The following DHRS7B variants were observed in gnomAD, a reference collection of about 807,000 sequenced individuals.
The protein encoded by DHRS7B is dehydrogenase/reductase 7B, also known as peroxisomal reductase activating PPAR-gamma.
DHRS7B carries 24 observed loss-of-function variants against 26.4 expected under a neutral mutation model. The observed-to-expected ratio is 0.91, with a 90% CI of 0.66 to 1.28. DHRS7B has a LOEUF of 1.28. DHRS7B is among the 50% of genes most tolerant of loss of function. DHRS7B has a pLI of 0.00. For missense variants in DHRS7B, 368 were observed against 419.4 expected (o/e 0.88, Z 1.07); for synonymous variants, 142 against 166.4 (o/e 0.85, Z 1.13).
At chr17:21,156,008 G>T (rs1354712947) in intron 1 of DHRS7B, among the ~76,000 whole-genome samples, 2 of 152,034 alleles carry the variant, frequency 1.3e-5, no homozygotes, top group African/African-American at 4.8e-5. Context: ...TATTAGAAAA[G>T]AAGAAAGATC....
intron 1 of DHRS7B, among the ~76,000 whole-genome samples, chr17:21,161,252 C>A (rs900071250): frequency 6.6e-6 from 1 of 152,178 alleles, no homozygotes; most frequent in Non-Finnish European, 1.5e-5. Flanking sequence ...AACAGTGTAA[C>A]ACCGGTGAGG....
intron 1 of DHRS7B, 171 bp from the exon 2 acceptor site, chr17:21,171,847 A>G: frequency 2.9e-5 from 23 of 802,648 alleles, no homozygotes; most frequent in Non-Finnish European, 4.3e-6. Flanking sequence ...AAGTTCTACA[A>G]TGCTGAACAG....
intron 2 of DHRS7B, among the ~76,000 whole-genome samples, chr17:21,173,389 T>A (rs967888294): frequency 6.6e-6 from 1 of 152,148 alleles, no homozygotes; most frequent in Non-Finnish European, 1.5e-5. Flanking sequence ...CAAACCCACA[T>A]CTCTGTCTCT....
intron 1 of DHRS7B, among the ~76,000 whole-genome samples, chr17:21,134,881 C>T (rs908139531): frequency 3.3e-5 from 5 of 152,120 alleles, no homozygotes; most frequent in Admixed American, 3.3e-4. Flanking sequence ...AAAATTCAGT[C>T]CATGCAGTTA....
chr17:21,175,381 C>A (rs1347341941), intron 2 of DHRS7B, among the ~76,000 whole-genome samples: 1 of 152,248 alleles, frequency 6.6e-6, no homozygotes, highest in Non-Finnish European at 1.5e-5. Flanking sequence ...GAGATGGCAG[C>A]CCTGATCCTC....
intron 1 of DHRS7B, among the ~76,000 whole-genome samples, chr17:21,168,364 G>T (rs1343261590): frequency 1.3e-5 from 2 of 152,062 alleles, no homozygotes; most frequent in Admixed American, 1.3e-4. Context: ...GTTGGCACTG[G>T]ATTTTGTTTT....
chr17:21,171,993 G>C (rs755943531), intron 1 of DHRS7B, 25 bp from the exon 2 acceptor site: 7 of 1,614,038 alleles, frequency 4.3e-6, no homozygotes, highest in Non-Finnish European at 5.1e-6. Flanking sequence ...TTTGTCACTG[G>C]TGTGTTTGGT....
In DHRS7B at chr17:21,183,626, C is replaced by T. The variant is rs115819229; in HGVS notation, c.342C>T (p.Phe114=). 146 of 1,613,606 alleles carry T rather than the reference C, an allele frequency of 9.0e-5. No homozygotes were observed. Among genetic ancestry groups the T allele is most frequent in the African/African-American group, 7.9e-4 (59 of 75,038 alleles). ...CACACAAGCCTTACTTGGTGACCTT[C>T]GACCTCACAGACTCTGGGGCCATAG... The part of the protein sequence containing the change: ...VQTHKPYLVT[F]DLTDSGAIVA... Residue 114 remains phenylalanine, a synonymous_variant, in exon 4 of 7, where the codon TTC becomes TTT. Coordinates refer to ENST00000395511, the MANE Select transcript of DHRS7B (RefSeq NM_015510.5).
At chr17:21,161,510 A>C (rs1176664302) in intron 1 of DHRS7B, among the ~76,000 whole-genome samples, 1 of 152,210 alleles carries the variant, frequency 6.6e-6, no homozygotes, top group African/African-American at 2.4e-5. Flanking sequence ...GATAATTGGT[A>C]GATTGTAGAT....
rs768200460 is a variant in DHRS7B, at chr17:21,183,685, G to A, written c.401G>A (p.Gly134Asp). The A allele has an allele frequency of 1.6e-5, 26 of 1,614,166 alleles. No homozygotes were observed. In the South Asian group the frequency reaches 1.8e-4, roughly 11 times the overall value. The change falls in exon 4 of 7, where the codon GGC (glycine) becomes GAC (aspartate). Residue 134 changes from glycine (G) to aspartate (D), a missense_variant. Physicochemically the swap from Gly to Asp is moderately conservative, Grantham distance 94 (BLOSUM62 -1). Transcript: ENST00000395511. ...GCAGCTGAGATCCTGCAGTGCTTTGGCTATGTCGACATACTTGTCAACAAT... is the reference window on the plus strand; with the variant it reads ...GCAGCTGAGATCCTGCAGTGCTTTGACTATGTCGACATACTTGTCAACAAT... ...AAAAEILQCF[G>D]YVDILVNNAG...
chr17:21,183,354 A>C (rs1037464634), intron 3 of DHRS7B, among the ~76,000 whole-genome samples: 2 of 152,184 alleles, frequency 1.3e-5, no homozygotes, highest in Non-Finnish European at 2.9e-5. Context: ...TTTTCAAAGA[A>C]CCAACTTTTG....
chr17:21,160,397 A>C (rs1973975812), intron 1 of DHRS7B, among the ~76,000 whole-genome samples: 1 of 152,264 alleles, frequency 6.6e-6, no homozygotes. Flanking sequence ...GAACAACACA[A>C]CAAAAAAAAA....
intron 1 of DHRS7B, among the ~76,000 whole-genome samples, chr17:21,139,962 A>G (rs1324579104): frequency 6.6e-6 from 1 of 151,594 alleles, no homozygotes; most frequent in Non-Finnish European, 1.5e-5. Context: ...TAGGCATGCC[A>G]ATAGAAGTAC....
At chr17:21,132,360 T>TAGATAG (rs1406084588) in intron 1 of DHRS7B, among the ~76,000 whole-genome samples, 77 of 146,966 alleles carry the variant, frequency 5.2e-4, no homozygotes, top group African/African-American at 1.9e-3. Context: ...TATATATATA[T>TAGATAG]ATAGATAGAT....
chr17:21,167,912 C>T (rs960903023), intron 1 of DHRS7B, among the ~76,000 whole-genome samples: 1 of 152,142 alleles, frequency 6.6e-6, no homozygotes, highest in Non-Finnish European at 1.5e-5. Flanking sequence ...TCAAAGAAAA[C>T]AGGCCTCCCT....
chr17:21,132,348 A>AAAAAAATATAT (rs1491147235), intron 1 of DHRS7B, among the ~76,000 whole-genome samples: 2 of 125,048 alleles, frequency 1.6e-5, no homozygotes, highest in African/African-American at 5.8e-5. Flanking sequence ...AAAAAAAAAA[A>AAAAAAATATAT]ATATATATAT....
rs1393185313 is a variant in DHRS7B, at chr17:21,188,870, C to T, written c.772+7C>T. 7.4e-6 allele frequency: 12 copies of T among 1,614,062 alleles called. No individual in the cohort carries two copies. The highest frequency in any genetic ancestry group is 2.7e-5 in the African/African-American group (2 of 74,940). On this transcript the variant is annotated splice_region_variant and intron_variant, in intron 6 of 6. Coordinates refer to ENST00000395511, the MANE Select transcript of DHRS7B (RefSeq NM_015510.5). ...GATGGATCTAGGTATGGAGGTGAGG[C>T]CCGGTTTCTCTTTTCTCCTATGAAA...
At chr17:21,144,147 A>G (rs1973589424) in intron 1 of DHRS7B, among the ~76,000 whole-genome samples, 1 of 152,250 alleles carries the variant, frequency 6.6e-6, no homozygotes, top group African/African-American at 2.4e-5. Context: ...GGATGCTTGT[A>G]GCAGCTGAGG....
chr17:21,191,070 T>G lies in DHRS7B; in HGVS notation c.895T>G (p.Tyr299Asp). The G allele has an allele frequency of 6.2e-7, 1 of 1,614,242 alleles. No individual in the cohort carries two copies. Among genetic ancestry groups the G allele is most frequent in the Non-Finnish European group, 8.5e-7 (1 of 1,180,048 alleles). ...LADLLPSLAV[Y>D]LRTLAPGLFF... ...TGACTTACTGCCTTCCTTGGCTGTT[T>G]ATCTTCGAACTCTGGCTCCTGGGCT... The change falls in exon 7 of 7, where the codon TAT (tyrosine) becomes GAT (aspartate). Residue 299 changes from tyrosine (Y) to aspartate (D), a missense_variant. Tyr to Asp is a radical substitution (Grantham distance 160). Transcript: ENST00000395511.
Sources: allele counts gnomAD v4.1 joint callset (sites outside exome capture counted in the v4.1 genomes callset), GRCh38; gene constraint gnomAD v4.1.1; transcripts MANE v1.5; gene names NCBI Gene and HGNC (gene_info 2026-07-23, HGNC 2026-07-21).